The following RNF149 variants were observed in gnomAD, a reference collection of about 807,000 sequenced individuals.
The protein encoded by RNF149 is E3 ubiquitin-protein ligase RNF149.
RNF149 carries 21 observed loss-of-function variants against 39.0 expected under a neutral mutation model. The ratio of observed to expected loss-of-function variants is 0.54; its 90% confidence interval spans 0.38 to 0.77. The LOEUF is 0.77. RNF149 is among the 30% of genes least tolerant of loss of function. The pLI is 0.00. For missense variants in RNF149, 493 were observed against 534.9 expected, an observed-to-expected ratio of 0.92 and a Z score of 0.77; for synonymous variants, 209 against 213.6, an observed-to-expected ratio of 0.98 and a Z score of 0.19.
chr2:101,282,385 A>G (rs1441332450), intron 5 of RNF149, among the ~76,000 whole-genome samples: 1 of 152,158 alleles, frequency 6.6e-6, no homozygotes, highest in South Asian at 2.1e-4. Flanking sequence ...GGCCATAGCC[A>G]TGAACTCTGA....
chr2:101,288,074 T>C (rs1480456054), intron 4 of RNF149, among the ~76,000 whole-genome samples: 1 of 151,990 alleles, frequency 6.6e-6, no homozygotes, highest in Non-Finnish European at 1.5e-5. Flanking sequence ...CTCAGCTCAC[T>C]GCAACCTCTA....
chr2:101,282,267 T>C (rs1288068328), intron 5 of RNF149, among the ~76,000 whole-genome samples: 2 of 151,754 alleles, frequency 1.3e-5, no homozygotes, highest in Non-Finnish European at 2.9e-5. Flanking sequence ...ATGTTTTTTA[T>C]TCTAAAAAAC....
At chr2:101,301,017 C>T (rs1683431348) in intron 1 of RNF149, among the ~76,000 whole-genome samples, 1 of 152,212 alleles carries the variant, frequency 6.6e-6, no homozygotes, top group African/African-American at 2.4e-5. Flanking sequence ...GACCAAATCA[C>T]AGCTTATTTC....
At chr2:101,286,259 C>A (rs550550778) in intron 4 of RNF149, 82 bp from the exon 5 acceptor site, 1 of 754,972 alleles carries the variant, frequency 1.3e-6, no homozygotes, top group African/African-American at 1.8e-5. Flanking sequence ...TGTACCAACT[C>A]ATCCTCTCAT....
chr2:101,296,659 C>T (rs575063007), intron 1 of RNF149, among the ~76,000 whole-genome samples: 25 of 152,146 alleles, frequency 1.6e-4, no homozygotes, highest in South Asian at 1.0e-3. Flanking sequence ...ATCAGTGCGG[C>T]GGGTCGGGGG....
intron 1 of RNF149, among the ~76,000 whole-genome samples, chr2:101,298,016 T>G (rs72823001): frequency 0.03 from 4,616 of 152,338 alleles, 91 homozygotes; most frequent in Non-Finnish European, 0.048. Flanking sequence ...GAATAAATTA[T>G]TACACTCTTC....
chr2:101,278,153 T>C (rs1403446961), intron 6 of RNF149, among the ~76,000 whole-genome samples: 1 of 152,178 alleles, frequency 6.6e-6, no homozygotes, highest in Non-Finnish European at 1.5e-5. Context: ...TTCTTTTTTC[T>C]TTTCTTTTTT....
At position 101,292,691 on chromosome 2, in the gene RNF149, G is replaced by A. The variant is rs181678906; in HGVS notation, c.780+1323C>T. ...TGAGGCAGGAGAATGGCGTGAACCCGGGAGGCGGAGCTTGCAGTGAGCCGA... is the reference window on the plus strand; with the variant it reads ...TGAGGCAGGAGAATGGCGTGAACCCAGGAGGCGGAGCTTGCAGTGAGCCGA... On this transcript the variant is annotated intron_variant, in intron 3 of 6. Transcript: ENST00000295317. 6.3e-3 allele frequency among the ~76,000 whole-genome samples: 958 copies of A among 152,246 alleles called. 4 individuals carry two copies. Among genetic ancestry groups the A allele is most frequent in the African/African-American group, 0.022 (914 of 41,556 alleles).
In RNF149 at chr2:101,308,299, A is replaced by G; in HGVS notation, c.290T>C (p.Phe97Ser). ...LEGCAPDTRF[F>S]VPEPGGRGAA... Reference sequence around the variant, plus strand: ...CCCTCGGCCGCCGGGCTCGGGCACGAAGAAGCGCGTGTCGGGCGCGCAGCC... The same window carrying G: ...CCCTCGGCCGCCGGGCTCGGGCACGGAGAAGCGCGTGTCGGGCGCGCAGCC... Residue 97 changes from phenylalanine (F) to serine (S), a missense_variant, in exon 1 of 7, where the codon TTC becomes TCC. By Grantham distance (155) the Phe-to-Ser change is radical (BLOSUM62 -2). Coordinates refer to ENST00000295317, the MANE Select transcript of RNF149 (RefSeq NM_173647.4). The G allele has an allele frequency of 6.3e-7, 1 of 1,582,180 alleles. No homozygotes were observed. The highest frequency in any genetic ancestry group is 8.6e-7 in the Non-Finnish European group (1 of 1,167,118).
intron 3 of RNF149, among the ~76,000 whole-genome samples, chr2:101,289,575 C>T (rs1022630430): frequency 1.6e-4 from 24 of 151,512 alleles, no homozygotes; most frequent in African/African-American, 2.7e-4. Flanking sequence ...CATGGTGGCG[C>T]GTGCCTGTAG....
At chr2:101,280,002 T>C (rs1682509248) in intron 6 of RNF149, among the ~76,000 whole-genome samples, 1 of 152,034 alleles carries the variant, frequency 6.6e-6, no homozygotes, top group Non-Finnish European at 1.5e-5. Context: ...CTTTAAAAAA[T>C]GTAGAATAGG....
intron 1 of RNF149, 79 bp from the exon 2 acceptor site, chr2:101,295,260 T>A: frequency 8.4e-7 from 1 of 1,189,564 alleles, no homozygotes; most frequent in Non-Finnish European, 1.2e-6. Context: ...ATAAGGGTAC[T>A]ATGTTCATCT....
At chr2:101,307,260 A>G (rs1249627013) in intron 1 of RNF149, among the ~76,000 whole-genome samples, 1 of 152,230 alleles carries the variant, frequency 6.6e-6, no homozygotes, top group East Asian at 1.9e-4. Context: ...ACAGCTCACT[A>G]CAGTCTCGAT....
downstream of RNF149, chr2:101,273,274 CCTT>C (rs1206497412): frequency 5.8e-6 from 3 of 519,246 alleles, 1 homozygote; most frequent in South Asian, 4.6e-5. Flanking sequence ...GACACTGCCT[CCTT>C]CTCCATGCCA....
At chr2:101,272,418 C>T (rs983573157), downstream of RNF149, among the ~76,000 whole-genome samples, 7 of 152,298 alleles carry the variant, frequency 4.6e-5, no homozygotes, top group Middle Eastern at 3.4e-3. Context: ...GTAGAAATTA[C>T]ACTTTTATAA....
At position 101,308,269 on chromosome 2, in the gene RNF149, G is replaced by C; in HGVS notation, c.320C>G (p.Ala107Gly). The change falls in exon 1 of 7, where the codon GCG (alanine) becomes GGG (glycine). Residue 107 changes from alanine to glycine, a missense_variant. Physicochemically the swap from Ala to Gly is moderately conservative, Grantham distance 60. Coordinates refer to ENST00000295317, the MANE Select transcript of RNF149 (RefSeq NM_173647.4). ...ACGAGCCACCAGGGCGACCCAGGGC[G>C]CGGCCCCTCGGCCGCCGGGCTCGGG... ...FVPEPGGRGAAPWVALVARGG... is the reference protein window; with the variant it reads ...FVPEPGGRGAGPWVALVARGG... 2 of 1,580,394 alleles carry C rather than the reference G, an allele frequency of 1.3e-6. No individual in the cohort carries two copies. The highest frequency in any genetic ancestry group is 1.7e-6 in the Non-Finnish European group (2 of 1,165,384).
chr2:101,272,257 T>C (rs1573208403), downstream of RNF149, among the ~76,000 whole-genome samples: 1 of 152,208 alleles, frequency 6.6e-6, no homozygotes, highest in Non-Finnish European at 1.5e-5. Flanking sequence ...GGCTTCTCAC[T>C]AGCCAATAAT....
At chr2:101,287,673 A>G (rs1682847179) in intron 4 of RNF149, among the ~76,000 whole-genome samples, 2 of 152,202 alleles carry the variant, frequency 1.3e-5, no homozygotes, top group African/African-American at 4.8e-5. Context: ...ATCCAACCCA[A>G]TTCATTCAGT....
At position 101,298,979 on chromosome 2, in the gene RNF149, G is replaced by A. The variant is rs563547390; in HGVS notation, c.461-3798C>T. Among the ~76,000 whole-genome samples, 25 of 152,190 alleles carry A rather than the reference G, an allele frequency of 1.6e-4. 2 individuals are homozygous for A. The highest frequency in any genetic ancestry group is 4.6e-4 in the African/African-American group (19 of 41,544). On this transcript the variant is annotated intron_variant, in intron 1 of 6. Transcript: ENST00000295317. ...AGCCTGGCCAACATGGTGAAACCCC[G>A]TCTCTACTAATATTACACATGCAAA...
Sources: allele counts gnomAD v4.1 joint callset (sites outside exome capture counted in the v4.1 genomes callset), GRCh38; gene constraint gnomAD v4.1.1; transcripts MANE v1.5; gene names NCBI Gene and HGNC (gene_info 2026-07-23, HGNC 2026-07-21).